The following ANKFN1 variants were observed in gnomAD, a reference collection of about 807,000 sequenced individuals.
The protein encoded by ANKFN1 is ankyrin repeat and fibronectin type-III domain-containing protein 1.
ANKFN1 carries 74 observed loss-of-function variants against 108.7 expected under a neutral mutation model. The ratio of observed to expected loss-of-function variants is 0.68; its 90% CI spans 0.56 to 0.83. ANKFN1 has a LOEUF of 0.83. Ranked by LOEUF, ANKFN1 falls within the 40% of genes least tolerant of loss-of-function variation. The pLI is 0.00. For synonymous variants in ANKFN1, 547 were observed against 516.2 expected (o/e 1.06, Z -0.81); for missense variants, 1,505 against 1,382.3 (o/e 1.09, Z -1.41).
At position 56,510,910 on chromosome 17, in the gene ANKFN1, T is replaced by G. The variant is rs1347382712; in HGVS notation, c.3082T>G (p.Ser1028Ala). ...LRIHSETQSL[S>A]LSEGIYTQHL... is the part of the protein sequence containing the mutation. ...CATCCACAGCGAGACCCAGTCGCTA[T>G]CGCTCTCTGAGGGCATTTATACACA... Residue 1028 changes from serine to alanine, a missense_variant, in exon 21 of 21, where the codon TCG becomes GCG. By Grantham distance (99) the Ser-to-Ala change is moderately conservative. Coordinates refer to ENST00000682825, the MANE Select transcript of ANKFN1 (RefSeq NM_001370326.1). 2.0e-6 allele frequency: 3 copies of G among 1,536,142 alleles called. No homozygotes were observed. The highest frequency in any genetic ancestry group is 2.6e-6 in the Non-Finnish European group (3 of 1,146,894).
At chr17:56,209,274 C>G (rs1024737479) in intron 1 of ANKFN1, among the ~76,000 whole-genome samples, 1 of 152,062 alleles carries the variant, frequency 6.6e-6, no homozygotes, top group African/African-American at 2.4e-5. Context: ...GACACTATTT[C>G]AAAAGATAGA....
chr17:56,511,556 A>G lies in ANKFN1; in HGVS notation c.*287A>G, dbSNP rs780711973. 6 of 340,350 alleles carry G rather than the reference A, an allele frequency of 1.8e-5. No individual in the cohort carries two copies. Among genetic ancestry groups the G allele is most frequent in the East Asian group, 1.6e-4 (3 of 19,198 alleles). 21.1% of individuals were successfully genotyped at this position (340,350 alleles called of 1,614,324 possible). A position where few individuals can be genotyped will look rare whatever the true frequency, so the allele number is the denominator to read the frequency against. ...ACATGCCACCCTGTTGGTGGCACCTATGACTGAAGCTGGCCATCCCAAAGA... is the reference window on the plus strand; with the variant it reads ...ACATGCCACCCTGTTGGTGGCACCTGTGACTGAAGCTGGCCATCCCAAAGA... On this transcript the variant is annotated 3_prime_UTR_variant, in exon 21 of 21. Coordinates refer to ENST00000682825, the MANE Select transcript of ANKFN1 (RefSeq NM_001370326.1).
At chr17:56,220,191 A>T (rs1299096016) in intron 2 of ANKFN1, among the ~76,000 whole-genome samples, 1 of 152,260 alleles carries the variant, frequency 6.6e-6, no homozygotes, top group Non-Finnish European at 1.5e-5. Context: ...TCACTTATTG[A>T]TCACTCTCAT....
intron 4 of ANKFN1, among the ~76,000 whole-genome samples, chr17:56,343,996 T>C (rs2046030402): frequency 6.6e-6 from 1 of 152,032 alleles, no homozygotes; most frequent in African/African-American, 2.4e-5. Flanking sequence ...TCTTTGGGTA[T>C]GGTTTAGCTC....
At chr17:56,481,115 G>A (rs962712838) in intron 17 of ANKFN1, among the ~76,000 whole-genome samples, 1 of 146,948 alleles carries the variant, frequency 6.8e-6, no homozygotes, top group Non-Finnish European at 1.5e-5. Flanking sequence ...TCAATGGCTA[G>A]TCTACCTTAA....
At chr17:56,201,956 G>C (rs138202731) in intron 1 of ANKFN1, among the ~76,000 whole-genome samples, 133 of 152,308 alleles carry the variant, frequency 8.7e-4, no homozygotes, top group African/African-American at 2.7e-3. Flanking sequence ...ACCATGGTGG[G>C]AGGATATGTC....
chr17:56,362,887 A>G (rs2046559140), intron 6 of ANKFN1, among the ~76,000 whole-genome samples: 2 of 152,318 alleles, frequency 1.3e-5, no homozygotes, highest in Middle Eastern at 3.4e-3. Context: ...AAGGAATTCA[A>G]TTCAACAGGA....
chr17:56,365,521 G>A (rs2046636483), intron 6 of ANKFN1, among the ~76,000 whole-genome samples: 1 of 152,156 alleles, frequency 6.6e-6, no homozygotes, highest in Admixed American at 6.5e-5. Context: ...CAATATAGCA[G>A]AGTAACTAGT....
intron 3 of ANKFN1, among the ~76,000 whole-genome samples, chr17:56,322,983 T>C (rs2045412547): frequency 1.3e-5 from 2 of 152,222 alleles, no homozygotes; most frequent in South Asian, 4.1e-4. Flanking sequence ...TTAATTTTAC[T>C]GAGCACTTAC....
chr17:56,070,906 T>C (rs113553520), intron 4 of ANKFN1, among the ~76,000 whole-genome samples: 1,872 of 152,206 alleles, frequency 0.012, 42 homozygotes, highest in African/African-American at 0.042. Flanking sequence ...AGCTAATTTT[T>C]TGTATTTTAA....
intron 4 of ANKFN1, among the ~76,000 whole-genome samples, chr17:56,127,487 C>T (rs529047754): frequency 8.4e-4 from 128 of 152,076 alleles, no homozygotes; most frequent in Non-Finnish European, 1.5e-3. Flanking sequence ...CTAATTTTTG[C>T]GTTTTTAGTA....
Position 56,512,104 on chromosome 17 carries a change from G to A in ANKFN1, c.*835G>A, listed in dbSNP as rs537995235. 1.2e-4 allele frequency among the ~76,000 whole-genome samples: 18 copies of A among 152,324 alleles called. No homozygotes were observed. Among genetic ancestry groups the A allele is most frequent in the Non-Finnish European group, 1.5e-4 (10 of 68,026 alleles). On this transcript the variant is annotated 3_prime_UTR_variant, in exon 21 of 21. Transcript: ENST00000682825. ...AGCCTGAATTACAGATAAGACAGGG[G>A]AGGGAGAGAGACATGGGCAGAAATA...
chr17:56,334,469 G>C (rs78257404), intron 4 of ANKFN1, among the ~76,000 whole-genome samples: 155 of 152,138 alleles, frequency 1.0e-3, no homozygotes, highest in African/African-American at 3.4e-3. Flanking sequence ...TTTAAAACAT[G>C]CAGTTTATTT....
At chr17:56,427,611 C>A (rs1475779224) in intron 8 of ANKFN1, among the ~76,000 whole-genome samples, 3 of 151,920 alleles carry the variant, frequency 2.0e-5, no homozygotes, top group Non-Finnish European at 4.4e-5. Flanking sequence ...CAACTCTGGC[C>A]CCTGGGGAAA....
intron 8 of ANKFN1, among the ~76,000 whole-genome samples, chr17:56,389,025 A>AT (rs1447630680): frequency 6.6e-6 from 1 of 151,690 alleles, no homozygotes; most frequent in East Asian, 1.9e-4. Context: ...AAAAAAAAAA[A>AT]CTAAACATGC....
intron 1 of ANKFN1, among the ~76,000 whole-genome samples, chr17:56,188,281 T>G (rs1315137399): frequency 1.3e-5 from 2 of 151,928 alleles, no homozygotes; most frequent in African/African-American, 4.8e-5. Flanking sequence ...CGTAAATTTA[T>G]TCTCACAGTT....
At chr17:56,509,042 T>G (rs1197554392) in intron 20 of ANKFN1, among the ~76,000 whole-genome samples, 1 of 152,184 alleles carries the variant, frequency 6.6e-6, no homozygotes, top group Non-Finnish European at 1.5e-5. Flanking sequence ...AACAGATCAG[T>G]GGAGCTCAAA....
chr17:56,120,704 A>T (rs1285296514), intron 4 of ANKFN1, among the ~76,000 whole-genome samples: 1 of 152,106 alleles, frequency 6.6e-6, no homozygotes, highest in African/African-American at 2.4e-5. Context: ...CACAACTTCA[A>T]CTGTCTTCTT....
intron 14 of ANKFN1, chr17:56,463,845 A>C (rs950745750): frequency 6.6e-6 from 1 of 152,094 alleles, no homozygotes; most frequent in African/African-American, 2.4e-5. Context: ...CCAACTCTGG[A>C]CTTCCTTCAC....
Sources: allele counts gnomAD v4.1 joint callset (sites outside exome capture counted in the v4.1 genomes callset), GRCh38; gene constraint gnomAD v4.1.1; transcripts MANE v1.5; gene names NCBI Gene and HGNC (gene_info 2026-07-23, HGNC 2026-07-21).